YWHAE: variants seen among roughly 807,000 people sequenced by gnomAD.
YWHAE encodes the protein tyrosine 3-monooxygenase/tryptophan 5-monooxygenase activation protein epsilon, also known as 14-3-3 protein epsilon.
YWHAE carries 4 observed loss-of-function variants against 30.1 expected under a neutral mutation model. The ratio of observed to expected loss-of-function variants is 0.13; its 90% CI spans 0.07 to 0.30. The LOEUF (loss-of-function observed/expected upper bound fraction) is 0.30, where lower values mean the gene tolerates loss of function less well. YWHAE is among the 10% of genes least tolerant of loss of function. The probability of loss-of-function intolerance (pLI) is 1.00; values close to 1 mark genes in which losing one functional copy is unlikely to be tolerated. For missense variants in YWHAE, 121 were observed against 315.9 expected (o/e 0.38, Z 4.68); for synonymous variants, 118 against 111.8 (o/e 1.06, Z -0.35).
chr17:1,371,685 T>A (rs1365438414), intron 1 of YWHAE, among the ~76,000 whole-genome samples: 1 of 149,834 alleles, frequency 6.7e-6, no homozygotes. Flanking sequence ...GACTTCTCTC[T>A]AGTTAAGTGA....
In YWHAE at chr17:1,361,285, G is replaced by C; in HGVS notation, c.385C>G (p.His129Asp). 6.2e-7 allele frequency: 1 copy of C among 1,600,890 alleles called. No individual in the cohort carries two copies. The highest frequency in any genetic ancestry group is 8.5e-7 in the Non-Finnish European group (1 of 1,175,692). ...GTGGCAAATTCTGCCAGATACCTGTGGTAGTCCCCTTTCCTAAAACAAAAC... is the reference window on the plus strand; with the variant it reads ...GTGGCAAATTCTGCCAGATACCTGTCGTAGTCCCCTTTCCTAAAACAAAAC... The part of the protein sequence containing the change: ...VFYYKMKGDY[H>D]RYLAEFATGN... Residue 129 changes from histidine (H) to aspartate (D), a missense_variant, in exon 4 of 6, where the codon CAC becomes GAC. Physicochemically the swap from His to Asp is moderately conservative, Grantham distance 81. This residue lies in a region of YWHAE where 99 missense variants were observed against 289.3 expected (regional missense o/e 0.34). Coordinates refer to ENST00000264335, the MANE Select transcript of YWHAE (RefSeq NM_006761.5).
chr17:1,365,189 AAACT>A (rs1202113912), intron 1 of YWHAE, 131 bp from the exon 2 acceptor site: 4 of 1,061,166 alleles, frequency 3.8e-6, no homozygotes, highest in Admixed American at 2.9e-5. Context: ...ATAATCATCA[AAACT>A]AATATGAGTA....
intron 5 of YWHAE, chr17:1,348,046 T>C: frequency 1.0e-6 from 1 of 964,218 alleles, no homozygotes; most frequent in Non-Finnish European, 1.2e-6. Context: ...AACAATCATA[T>C]GAAAGCAACA....
At chr17:1,371,435 T>A (rs9915954) in intron 1 of YWHAE, among the ~76,000 whole-genome samples, 37,202 of 151,860 alleles carry the variant, frequency 0.24, 5,272 homozygotes, top group African/African-American at 0.39. Flanking sequence ...TTTTTTTTTT[T>A]CTGAGTACCA....
chr17:1,399,445 C>G (rs929463811), intron 1 of YWHAE: 6 of 152,238 alleles, frequency 3.9e-5, no homozygotes, highest in African/African-American at 7.3e-5. Context: ...CCTCTCCCCC[C>G]ACCATCATCC....
intron 1 of YWHAE, among the ~76,000 whole-genome samples, chr17:1,390,638 T>C (rs553396096): frequency 6.6e-6 from 1 of 152,364 alleles, no homozygotes; most frequent in East Asian, 1.9e-4. Flanking sequence ...GTGATTCCTG[T>C]GCATTCTGTG....
intron 1 of YWHAE, among the ~76,000 whole-genome samples, chr17:1,365,559 T>C (rs973490207): frequency 3.3e-5 from 5 of 152,200 alleles, no homozygotes; most frequent in African/African-American, 7.2e-5. Context: ...CTTCCTCGTA[T>C]GAAGCTCCTT....
chr17:1,387,397 A>C (rs1238258973), intron 1 of YWHAE, among the ~76,000 whole-genome samples: 2 of 152,238 alleles, frequency 1.3e-5, no homozygotes. Flanking sequence ...TACAGGAAAA[A>C]CAGGTAGATC....
intron 1 of YWHAE, among the ~76,000 whole-genome samples, chr17:1,388,571 A>G (rs1332367935): frequency 1.9e-5 from 2 of 102,914 alleles, no homozygotes; most frequent in Non-Finnish European, 1.8e-5. Context: ...AACCATGCCC[A>G]GCCTTTTTTT....
chr17:1,367,508 T>C (rs2072963117), intron 1 of YWHAE, among the ~76,000 whole-genome samples: 1 of 152,174 alleles, frequency 6.6e-6, no homozygotes, highest in South Asian at 2.1e-4. Flanking sequence ...GCAAGAGAAC[T>C]GCTTGACCCC....
intron 4 of YWHAE, among the ~76,000 whole-genome samples, chr17:1,360,590 C>T (rs558643994): frequency 5.9e-4 from 89 of 151,898 alleles, no homozygotes; most frequent in African/African-American, 2.1e-3. Flanking sequence ...GGTGAAAACA[C>T]CGTCTCTACT....
intron 1 of YWHAE, among the ~76,000 whole-genome samples, chr17:1,382,066 T>G (rs1392240487): frequency 2.0e-5 from 3 of 152,142 alleles, no homozygotes; most frequent in African/African-American, 4.8e-5. Flanking sequence ...TTGTTTGTTT[T>G]GAGATGGAGT....
chr17:1,351,737 G>C (rs910001751), intron 5 of YWHAE, among the ~76,000 whole-genome samples: 1 of 151,998 alleles, frequency 6.6e-6, no homozygotes, highest in Non-Finnish European at 1.5e-5. Context: ...AACCTCAGCC[G>C]TCTGAGAAGC....
intron 1 of YWHAE, among the ~76,000 whole-genome samples, chr17:1,391,734 T>C (rs1170414676): frequency 6.6e-6 from 1 of 152,092 alleles, no homozygotes; most frequent in Non-Finnish European, 1.5e-5. Context: ...CCCTGCACTT[T>C]GGGGAGGCCA....
intron 2 of YWHAE, among the ~76,000 whole-genome samples, chr17:1,364,289 C>CG (rs2072910075): frequency 6.6e-6 from 1 of 151,280 alleles, no homozygotes; most frequent in African/African-American, 2.4e-5. Context: ...TGCAGCAGTG[C>CG]GATCTCGGCT....
At chr17:1,382,347 CTT>C (rs546696128) in intron 1 of YWHAE, among the ~76,000 whole-genome samples, 14 of 119,256 alleles carry the variant, frequency 1.2e-4, no homozygotes, top group South Asian at 5.4e-4. Flanking sequence ...CGCGCCCGGC[CTT>C]TTTTTTTTTT....
chr17:1,357,020 A>G (rs2072758138), intron 4 of YWHAE, among the ~76,000 whole-genome samples: 1 of 151,734 alleles, frequency 6.6e-6, no homozygotes, highest in Non-Finnish European at 1.5e-5. Flanking sequence ...CTGTAATCCC[A>G]GCACTTTGGG....
intron 4 of YWHAE, among the ~76,000 whole-genome samples, chr17:1,355,116 TA>T (rs869230957): frequency 1.0e-3 from 18 of 17,182 alleles, no homozygotes; most frequent in East Asian, 1.4e-3. Flanking sequence ...CAAGATTTTT[TA>T]AAAAAAAAAA....
In YWHAE at chr17:1,345,307, A is replaced by AAC. The variant is rs57951313; in HGVS notation, c.*139_*140insGT. The AAC allele has an allele frequency of 8.8e-6, 7 of 791,358 alleles. No individual in the cohort carries two copies. The highest frequency in any genetic ancestry group is 3.6e-5 in the South Asian group (2 of 54,966). The allele number at this position is 791,358 out of a possible 1,614,324, so 49.0% of individuals were successfully genotyped here. On this transcript the variant is annotated 3_prime_UTR_variant, in exon 6 of 6. Coordinates refer to ENST00000264335, the MANE Select transcript of YWHAE (RefSeq NM_006761.5). ...AACTGTTTAAAAAAAAAAAAAAAAA[A>AAC]CCAACAGGGCAGGAACCTAAATTCT... is the stretch of plus-strand genomic sequence containing the variant.
Sources: gnomAD v4.1 joint callset for allele counts (sites outside exome capture counted in the v4.1 genomes callset) on GRCh38, gnomAD v4.1.1 for gene constraint, gnomAD v4.1.1 regional missense constraint, MANE v1.5 for transcripts, NCBI Gene and HGNC (gene_info 2026-07-23, HGNC 2026-07-21) for gene names.